ASB15: variants seen among roughly 807,000 people sequenced by gnomAD.
ASB15 encodes ankyrin repeat and SOCS box containing 15, also known as ankyrin repeat and SOCS box protein 15.
In ASB15, 54 loss-of-function variants were observed where a neutral mutation model predicts 58.0. The ratio of observed to expected loss-of-function variants is 0.93; its 90% CI spans 0.75 to 1.17. The LOEUF (loss-of-function observed/expected upper bound fraction) is 1.17. Among genes scored for constraint, ASB15 ranks in the 50% most tolerant of loss-of-function variants. The pLI is 0.00. For synonymous variants in ASB15, 249 were observed against 262.4 expected (o/e 0.95, Z 0.50); for missense variants, 680 against 707.4 (o/e 0.96, Z 0.44).
upstream of ASB15, among the ~76,000 whole-genome samples, chr7:123,600,073 GACTA>G (rs781562804): frequency 1.3e-5 from 2 of 152,246 alleles, no homozygotes; most frequent in South Asian, 2.1e-4. Context: ...GTGCATAGAT[GACTA>G]ACTACTTGAG....
chr7:123,606,763 T>C (rs1341608070), intron 2 of ASB15, among the ~76,000 whole-genome samples: 1 of 152,246 alleles, frequency 6.6e-6, no homozygotes, highest in Non-Finnish European at 1.5e-5. Context: ...GGTTGATCCA[T>C]GTTGTCACAA....
intron 9 of ASB15, among the ~76,000 whole-genome samples, chr7:123,627,720 T>C (rs1801887655): frequency 6.6e-6 from 1 of 152,232 alleles, no homozygotes; most frequent in African/African-American, 2.4e-5. Flanking sequence ...TCAAATGTAT[T>C]GTTGAATAGA....
intron 1 of ASB15, among the ~76,000 whole-genome samples, chr7:123,590,164 GTTGT>G (rs768280121): frequency 2.6e-5 from 4 of 152,072 alleles, no homozygotes; most frequent in African/African-American, 9.7e-5. Context: ...TGTTGATGGG[GTTGT>G]TTGTTTTTTT....
chr7:123,626,756 G>A (rs1362511670), intron 8 of ASB15, among the ~76,000 whole-genome samples: 3 of 152,078 alleles, frequency 2.0e-5, no homozygotes, highest in Admixed American at 6.5e-5. Flanking sequence ...CTTTGTTTTT[G>A]AGATGGAGTC....
chr7:123,608,248 A>C (rs1050824583), intron 2 of ASB15, among the ~76,000 whole-genome samples: 4 of 152,214 alleles, frequency 2.6e-5, no homozygotes, highest in Admixed American at 1.3e-4. Context: ...GTAAAGCCCC[A>C]AAATTTGAAG....
In ASB15 at chr7:123,614,586, C is replaced by A; in HGVS notation, c.84C>A (p.Ser28Arg). The A allele has an allele frequency of 6.2e-7, 1 of 1,606,028 alleles. No individual in the cohort carries two copies. Among genetic ancestry groups the A allele is most frequent in the Non-Finnish European group, 8.5e-7 (1 of 1,173,150 alleles). Reference protein sequence around the residue: ...QLSIQESIEASKTALCPERFV... With the variant: ...QLSIQESIEARKTALCPERFV... ...GTATTCAAGAATCCATTGAAGCCAG[C>A]AAGACTGCACTTTGTCCTGAAAGGT... The change falls in exon 4 of 12, where the codon AGC becomes AGA. Residue 28 changes from serine (S) to arginine (R), a missense_variant. Physicochemically the swap from Ser to Arg is moderately radical, Grantham distance 110. Transcript: ENST00000451215.
At position 123,636,813 on chromosome 7, in the gene ASB15, T is replaced by G; in HGVS notation, c.1599T>G (p.Asn533Lys). ...TATTTTCCCGATTTCTTTTAGAGAA[T>G]CCTTGTTCATTGAAGCATTTGTGTC... The part of the protein sequence containing the change: ...EWPEIRQILE[N>K]PCSLKHLCRL... The change falls in exon 12 of 12, where the codon AAT becomes AAG. Residue 533 changes from asparagine (N) to lysine (K), a missense_variant. Asn to Lys is a moderately conservative substitution (Grantham distance 94). Coordinates refer to ENST00000451215, the MANE Select transcript of ASB15 (RefSeq NM_001290258.2). 1 of 1,602,462 alleles carries G rather than the reference T, an allele frequency of 6.2e-7. No individual in the cohort carries two copies. Among genetic ancestry groups the G allele is most frequent in the Non-Finnish European group, 8.5e-7 (1 of 1,176,492 alleles).
intron 1 of ASB15, among the ~76,000 whole-genome samples, chr7:123,592,609 TA>T (rs1799570904): frequency 6.6e-6 from 1 of 152,236 alleles, no homozygotes; most frequent in African/African-American, 2.4e-5. Context: ...GTGAGTTTCT[TA>T]ATCCTTATTT....
intron 11 of ASB15, among the ~76,000 whole-genome samples, chr7:123,636,012 T>G (rs1347652277): frequency 6.6e-6 from 1 of 152,194 alleles, no homozygotes; most frequent in Non-Finnish European, 1.5e-5. Context: ...ATACTTTACA[T>G]GATTTGTTTA....
intron 1 of ASB15, among the ~76,000 whole-genome samples, chr7:123,591,427 G>A (rs1017493353): frequency 6.6e-6 from 1 of 152,118 alleles, no homozygotes; most frequent in Admixed American, 6.5e-5. Flanking sequence ...TAACATATTG[G>A]CTGTGGGTTT....
chr7:123,616,568 A>G (rs749511997), intron 6 of ASB15, 73 bp downstream of exon 6: 34 of 1,457,204 alleles, frequency 2.3e-5, no homozygotes, highest in Non-Finnish European at 3.0e-5. Context: ...AAGTGTTTTC[A>G]GTGAACATAA....
At position 123,614,540 on chromosome 7, in the gene ASB15, C is replaced by T. The variant is rs1168993644; in HGVS notation, c.38C>T (p.Thr13Ile). Residue 13 changes from threonine to isoleucine, a missense_variant, in exon 4 of 12, where the codon ACA (threonine) becomes ATA (isoleucine). Coordinates refer to ENST00000451215, the MANE Select transcript of ASB15 (RefSeq NM_001290258.2). ...TNDDPDEDHL[T>I]SYDIQLSIQE... is the part of the protein sequence containing the mutation. ...GATGACCCTGATGAAGACCATCTTA[C>T]AAGTTATGATATTCAGCTAAGTATT... 6.2e-7 allele frequency: 1 copy of T among 1,610,292 alleles called. No individual in the cohort carries two copies. Among genetic ancestry groups the T allele is most frequent in the Non-Finnish European group, 8.5e-7 (1 of 1,176,852 alleles).
intron 7 of ASB15, among the ~76,000 whole-genome samples, chr7:123,623,993 A>AAGAG: frequency 6.8e-6 from 1 of 146,568 alleles, no homozygotes; most frequent in South Asian, 2.2e-4. Flanking sequence ...GAAAGAAAGA[A>AAGAG]AGAGAAAGGA....
chr7:123,589,822 CG>C (rs2116352446), intron 1 of ASB15, among the ~76,000 whole-genome samples: 1 of 151,948 alleles, frequency 6.6e-6, no homozygotes, highest in Non-Finnish European at 1.5e-5. Context: ...TACAATCATT[CG>C]GGTATATACC....
chr7:123,592,131 A>T (rs974138643), intron 1 of ASB15, among the ~76,000 whole-genome samples: 1 of 152,108 alleles, frequency 6.6e-6, no homozygotes, highest in Non-Finnish European at 1.5e-5. Flanking sequence ...TTTCTGTGGG[A>T]TCAGTGGTGA....
In ASB15 at chr7:123,614,537, T is replaced by C. The variant is rs1800677166; in HGVS notation, c.35T>C (p.Leu12Pro). ...AATGATGACCCTGATGAAGACCATC[T>C]TACAAGTTATGATATTCAGCTAAGT... ...DTNDDPDEDH[L>P]TSYDIQLSIQ... The change falls in exon 4 of 12, where the codon CTT becomes CCT. Residue 12 changes from leucine (L) to proline (P), a missense_variant. Leu to Pro is a moderately conservative substitution (Grantham distance 98, BLOSUM62 -3). Transcript: ENST00000451215. 6.2e-7 allele frequency: 1 copy of C among 1,609,988 alleles called. No homozygotes were observed. Among genetic ancestry groups the C allele is most frequent in the Non-Finnish European group, 8.5e-7 (1 of 1,176,564 alleles).
chr7:123,600,613 G>C (rs909550160), upstream of ASB15, among the ~76,000 whole-genome samples: 1 of 152,156 alleles, frequency 6.6e-6, no homozygotes, highest in Non-Finnish European at 1.5e-5. Flanking sequence ...TGTAGACAAT[G>C]TATGCAATGA....
chr7:123,616,074 T>G (rs960284277), intron 4 of ASB15, 147 bp from the exon 5 acceptor site: 4 of 666,778 alleles, frequency 6.0e-6, no homozygotes, highest in African/African-American at 1.8e-5. Flanking sequence ...CATTTACTTT[T>G]TAAGGAGATA....
intron 1 of ASB15, among the ~76,000 whole-genome samples, chr7:123,574,124 G>A (rs1332233316): frequency 6.6e-6 from 1 of 151,636 alleles, no homozygotes; most frequent in Admixed American, 6.6e-5. Flanking sequence ...CACATTCTTT[G>A]CCAAAATGTT....
Sources: gnomAD v4.1 joint callset for allele counts (sites outside exome capture counted in the v4.1 genomes callset) on GRCh38, gnomAD v4.1.1 for gene constraint, MANE v1.5 for transcripts, NCBI Gene and HGNC (gene_info 2026-07-23, HGNC 2026-07-21) for gene names.